NR5A1: variants seen among roughly 807,000 people sequenced by gnomAD.
The protein encoded by NR5A1 is nuclear receptor subfamily 5 group A member 1.
NR5A1 carries 6 observed loss-of-function variants against 42.7 expected under a neutral mutation model. The observed-to-expected ratio is 0.14, with a 90% CI of 0.08 to 0.28. The LOEUF (loss-of-function observed/expected upper bound fraction) is 0.28, where lower values mean the gene tolerates loss of function less well. Ranked by LOEUF, NR5A1 falls within the 10% of genes least tolerant of loss-of-function variation. NR5A1 has a pLI of 1.00. For synonymous variants in NR5A1, 274 were observed against 277.5 expected (o/e 0.99, Z 0.12); for missense variants, 442 against 626.4 (o/e 0.71, Z 3.14).
At position 124,482,713 on chromosome 9, in the gene NR5A1, G is replaced by GC. The variant is rs1209802184; in HGVS notation, c.*44dup. The GC allele has an allele frequency of 1.7e-4, 32 of 183,128 alleles. No homozygotes were observed. Among genetic ancestry groups the GC allele is most frequent in the Middle Eastern group, 1.5e-3 (1 of 652 alleles). 11.3% of individuals were successfully genotyped at this position (183,128 alleles called of 1,614,324 possible). ...GTGGCTGCGGCCCCGCCCAGGCCCCGCCCCCAGTCCCGCCCCCAGTCCCGG... is the reference window on the plus strand; with the variant it reads ...GTGGCTGCGGCCCCGCCCAGGCCCCGCCCCCCAGTCCCGCCCCCAGTCCCGG... On this transcript the variant is annotated 3_prime_UTR_variant, in exon 7 of 7. Transcript: ENST00000373588.
rs1400788838 is a variant in NR5A1 at position 124,496,982 on chromosome 9, T to G, written c.870+3108A>C. Among the ~76,000 whole-genome samples the G allele has an allele frequency of 6.6e-6, 1 of 152,166 alleles. No homozygotes were observed. Among genetic ancestry groups the G allele is most frequent in the Non-Finnish European group, 1.5e-5 (1 of 68,020 alleles). ...CCACCTCACAGGGAAAAAGTTGCTT[T>G]ATAAGCGCAGGACAAAGTGACCCTC... On this transcript the variant is annotated intron_variant, in intron 4 of 6. Coordinates refer to ENST00000373588, the MANE Select transcript of NR5A1 (RefSeq NM_004959.5). This position sits in a 1 kb window ranked among gnomAD's most constrained non-coding sequence, Gnocchi z 5.0.
At chr9:124,485,055 G>T (rs1477043319) in intron 6 of NR5A1, among the ~76,000 whole-genome samples, 1 of 152,248 alleles carries the variant, frequency 6.6e-6, no homozygotes, top group African/African-American at 2.4e-5. Context: ...GCCCCGACTT[G>T]ACCAGCCTTC....
At position 124,501,566 on chromosome 9, in the gene NR5A1, G is replaced by A. The variant is rs1413894320; in HGVS notation, c.245-851C>T. Among the ~76,000 whole-genome samples the A allele has an allele frequency of 6.6e-6, 1 of 152,212 alleles. No individual in the cohort carries two copies. The highest frequency in any genetic ancestry group is 1.9e-4 in the East Asian group (1 of 5,186). ...GAAAGAGCAGGAGAGAGGGGGTGGT[G>A]GTGCTCAGCAGGGATGATGGCTGGG... is the stretch of plus-strand genomic sequence containing the variant. On this transcript the variant is annotated intron_variant, in intron 3 of 6. Coordinates refer to ENST00000373588, the MANE Select transcript of NR5A1 (RefSeq NM_004959.5). The surrounding 1 kb of genome is among the most constrained non-coding windows in gnomAD (Gnocchi z 4.1).
At chr9:124,491,796 C>T (rs1832313451) in intron 5 of NR5A1, among the ~76,000 whole-genome samples, 2 of 152,256 alleles carry the variant, frequency 1.3e-5, no homozygotes, top group Admixed American at 1.3e-4. Context: ...AACACATACA[C>T]CCATGTATGT....
At chr9:124,491,485 G>A (rs1032730041) in intron 5 of NR5A1, among the ~76,000 whole-genome samples, 6 of 152,080 alleles carry the variant, frequency 3.9e-5, no homozygotes, top group East Asian at 1.9e-4. Flanking sequence ...TTCTGCCCGC[G>A]TCCACCCCTC....
In NR5A1 at chr9:124,500,772, C is replaced by G. The variant is rs903120354; in HGVS notation, c.245-57G>C. 6.2e-7 allele frequency: 1 copy of G among 1,610,856 alleles called. No individual in the cohort carries two copies. The highest frequency in any genetic ancestry group is 1.3e-5 in the African/African-American group (1 of 74,906). ...CTCTCTAAGCCCCCTTCCATGCTGC[C>G]CCACCACAGATCCTTTCCAAACAAA... On this transcript the variant is annotated intron_variant, in intron 3 of 6. Coordinates refer to ENST00000373588, the MANE Select transcript of NR5A1 (RefSeq NM_004959.5). The surrounding 1 kb of genome is among the most constrained non-coding windows in gnomAD (Gnocchi z 6.9).
chr9:124,482,617 G>A lies in NR5A1; in HGVS notation c.*141C>T. ...AAACACACAGTGTCAGAACTCAGGGGCAGCGGCCTCTGGGACGGGGCTGGG... is the reference window on the plus strand; with the variant it reads ...AAACACACAGTGTCAGAACTCAGGGACAGCGGCCTCTGGGACGGGGCTGGG... On this transcript the variant is annotated 3_prime_UTR_variant, in exon 7 of 7. Coordinates refer to ENST00000373588, the MANE Select transcript of NR5A1 (RefSeq NM_004959.5). 1.0e-6 allele frequency: 1 copy of A among 981,022 alleles called. No homozygotes were observed. The highest frequency in any genetic ancestry group is 1.5e-6 in the Non-Finnish European group (1 of 657,088). 60.8% of individuals were successfully genotyped at this position (981,022 alleles called of 1,614,324 possible).
intron 1 of NR5A1, among the ~76,000 whole-genome samples, chr9:124,504,176 CGACA>C (rs1237678595): frequency 6.6e-6 from 1 of 152,018 alleles, no homozygotes; most frequent in Non-Finnish European, 1.5e-5. Context: ...CAACGATAGA[CGACA>C]GACAGAGACG....
intron 6 of NR5A1, among the ~76,000 whole-genome samples, chr9:124,486,395 C>A (rs1832210141): frequency 6.6e-6 from 1 of 152,176 alleles, no homozygotes; most frequent in Admixed American, 6.5e-5. Context: ...GGAACCAGGG[C>A]CCCCTCAAGA....
At chr9:124,485,694 G>A (rs1442265480) in intron 6 of NR5A1, among the ~76,000 whole-genome samples, 1 of 152,196 alleles carries the variant, frequency 6.6e-6, no homozygotes, top group East Asian at 1.9e-4. Flanking sequence ...AACGCCTCCT[G>A]GCCCAGGTGC....
At chr9:124,492,067 G>A (rs540345531) in intron 5 of NR5A1, among the ~76,000 whole-genome samples, 3 of 152,224 alleles carry the variant, frequency 2.0e-5, no homozygotes, top group Admixed American at 6.5e-5. Context: ...CTGTGACACC[G>A]AGGAGAGAGC....
In NR5A1 at chr9:124,501,972, G is replaced by T. The variant is rs1288021040; in HGVS notation, c.244+1107C>A. Among the ~76,000 whole-genome samples, 1 of 152,180 alleles carries T rather than the reference G, an allele frequency of 6.6e-6. No individual in the cohort carries two copies. Among genetic ancestry groups the T allele is most frequent in the Non-Finnish European group, 1.5e-5 (1 of 68,034 alleles). ...GTTGAGGGTAGGGAGGCAAAGAGGG[G>T]CCTGGGTTTCTTGGGGGCAATTCAA... On this transcript the variant is annotated intron_variant, in intron 3 of 6. Coordinates refer to ENST00000373588, the MANE Select transcript of NR5A1 (RefSeq NM_004959.5). The surrounding 1 kb of genome is among the most constrained non-coding windows in gnomAD (Gnocchi z 4.1).
chr9:124,483,129 G>T, intron 6 of NR5A1, 124 bp from the exon 7 acceptor site: 2 of 1,593,542 alleles, frequency 1.3e-6, no homozygotes, highest in South Asian at 2.2e-5. Context: ...GGGCATTGCT[G>T]CCACCAACCA....
At chr9:124,491,979 G>T (rs1167678727) in intron 5 of NR5A1, among the ~76,000 whole-genome samples, 5 of 152,058 alleles carry the variant, frequency 3.3e-5, no homozygotes. Context: ...CAGACTGCAG[G>T]CACCTGCGCT....
In NR5A1 at chr9:124,486,889, T is replaced by C. The variant is rs572770859; in HGVS notation, c.1139-3884A>G. Among the ~76,000 whole-genome samples the C allele has an allele frequency of 5.9e-5, 9 of 152,352 alleles. No homozygotes were observed. In the South Asian group the frequency reaches 1.9e-3, roughly 32 times the overall value. On this transcript the variant is annotated intron_variant, in intron 6 of 6. Transcript: ENST00000373588. ...CGGCTTTACAACCAGCTGGGTGACC[T>C]TGGGCAAGTCACTTCCCCTCTCTGA... is the stretch of plus-strand genomic sequence containing the variant.
Position 124,500,958 on chromosome 9 carries a change from C to A in NR5A1, c.245-243G>T, listed in dbSNP as rs1832462938. 2 of 722,564 alleles carry A rather than the reference C, an allele frequency of 2.8e-6. No individual in the cohort carries two copies. The highest frequency in any genetic ancestry group is 3.0e-5 in the South Asian group (2 of 66,886). 44.8% of individuals were successfully genotyped at this position (722,564 alleles called of 1,614,324 possible). On this transcript the variant is annotated intron_variant, in intron 3 of 6. Coordinates refer to ENST00000373588, the MANE Select transcript of NR5A1 (RefSeq NM_004959.5). This position sits in a 1 kb window ranked among gnomAD's most constrained non-coding sequence, Gnocchi z 6.9. ...CTCCACCGAACTCACCTCCACTCCT[C>A]TGTTTGACACATCTCCTTCCTCCTC...
intron 1 of NR5A1, among the ~76,000 whole-genome samples, chr9:124,505,780 T>G (rs1296992433): frequency 1.3e-5 from 2 of 148,946 alleles, no homozygotes; most frequent in South Asian, 2.2e-4. Flanking sequence ...CACGGGGGGG[T>G]GGGGCGAGGA....
chr9:124,489,501 C>T (rs117724125), intron 6 of NR5A1, among the ~76,000 whole-genome samples: 4,783 of 152,344 alleles, frequency 0.031, 103 homozygotes, highest in Non-Finnish European at 0.049. Flanking sequence ...CCAGCACGCA[C>T]GCATGCAGAG....
rs773757957 is a variant in NR5A1, at chr9:124,498,879, G to A, written c.870+1211C>T. Among the ~76,000 whole-genome samples, 6 of 152,228 alleles carry A rather than the reference G, an allele frequency of 3.9e-5. No individual in the cohort carries two copies. The East Asian group carries it at 7.7e-4, about 20-fold the overall frequency. ...CAGATGGCCCAGGCCCCAGTCCCGC[G>A]ATGCCCCTAGGGCTCGGAGCACCCA... On this transcript the variant is annotated intron_variant, in intron 4 of 6. Coordinates refer to ENST00000373588, the MANE Select transcript of NR5A1 (RefSeq NM_004959.5). The surrounding 1 kb of genome is among the most constrained non-coding windows in gnomAD (Gnocchi z 4.6).
Sources: allele counts gnomAD v4.1 joint callset (sites outside exome capture counted in the v4.1 genomes callset), GRCh38; gene constraint gnomAD v4.1.1; non-coding constraint Gnocchi (gnomAD v3.1); transcripts MANE v1.5; gene names NCBI Gene and HGNC (gene_info 2026-07-23, HGNC 2026-07-21).